Variants in PHLDB2 observed in about 807,000 individuals in gnomAD.
PHLDB2 encodes pleckstrin homology-like domain family B member 2.
Under a neutral mutation model 123.6 loss-of-function variants are expected in PHLDB2, and 71 were observed. The observed-to-expected ratio is 0.57, with a 90% CI of 0.47 to 0.70. The LOEUF (loss-of-function observed/expected upper bound fraction) is 0.70. PHLDB2 is among the 30% of genes least tolerant of loss of function. PHLDB2 has a pLI of 0.00. For synonymous variants in PHLDB2, 547 were observed against 541.6 expected (o/e 1.01, Z -0.14); for missense variants, 1,446 against 1,519.5 (o/e 0.95, Z 0.80).
At chr3:111,843,519 A>T (rs1427349764) in intron 1 of PHLDB2, among the ~76,000 whole-genome samples, 1 of 152,164 alleles carries the variant, frequency 6.6e-6, no homozygotes, top group East Asian at 1.9e-4. Flanking sequence ...ACCTCCAAGT[A>T]GCTGGGAACA....
At chr3:111,843,307 AT>A (rs1304423095) in intron 1 of PHLDB2, among the ~76,000 whole-genome samples, 2 of 152,198 alleles carry the variant, frequency 1.3e-5, no homozygotes, top group Non-Finnish European at 2.9e-5. Flanking sequence ...ATGGTATCAT[AT>A]TGTGGTATTG....
upstream of PHLDB2, chr3:111,859,255 G>A: frequency 1.0e-6 from 1 of 985,444 alleles, no homozygotes; most frequent in Non-Finnish European, 1.2e-6. Flanking sequence ...AGCCTGCCAC[G>A]AAAGTCCCTA....
chr3:111,812,267 A>T (rs12171297), intron 1 of PHLDB2, among the ~76,000 whole-genome samples: 1 of 152,194 alleles, frequency 6.6e-6, no homozygotes, highest in Non-Finnish European at 1.5e-5. Context: ...CAGTTGATAC[A>T]AATGGAGTTT....
At chr3:111,830,470 A>G (rs2062891611) in intron 1 of PHLDB2, among the ~76,000 whole-genome samples, 1 of 150,734 alleles carries the variant, frequency 6.6e-6, no homozygotes, top group African/African-American at 2.4e-5. Flanking sequence ...GTATGTATAA[A>G]TCTTTTGTTC....
At chr3:111,846,720 C>CACATAT (rs1244234094) in intron 2 of PHLDB2, among the ~76,000 whole-genome samples, 1 of 152,080 alleles carries the variant, frequency 6.6e-6, no homozygotes, top group Non-Finnish European at 1.5e-5. Context: ...ACCAATAGAA[C>CACATAT]ACACATACAC....
intron 13 of PHLDB2, among the ~76,000 whole-genome samples, chr3:111,964,506 A>ATTTT (rs529646565): frequency 1.8e-4 from 26 of 143,608 alleles, no homozygotes; most frequent in South Asian, 4.5e-4. Context: ...CACCTGGCTA[A>ATTTT]TTTTTTTTTT....
chr3:111,743,170 A>G (rs1402908447), intron 1 of PHLDB2, among the ~76,000 whole-genome samples: 2 of 152,216 alleles, frequency 1.3e-5, no homozygotes, highest in Admixed American at 1.3e-4. Flanking sequence ...TTATCTGAAT[A>G]TCCTAAGGAG....
intron 2 of PHLDB2, among the ~76,000 whole-genome samples, chr3:111,903,888 TA>T (rs371722015): frequency 2.4e-3 from 371 of 152,048 alleles, no homozygotes; most frequent in African/African-American, 8.6e-3. Context: ...TGAACTTGAT[TA>T]AAAAAAATAA....
At chr3:111,765,494 G>A (rs1405055167) in intron 1 of PHLDB2, among the ~76,000 whole-genome samples, 2 of 152,226 alleles carry the variant, frequency 1.3e-5, no homozygotes, top group Admixed American at 6.5e-5. Flanking sequence ...AGTCTCAGAT[G>A]TCAGGCAGTG....
At chr3:111,803,858 CCTTT>C (rs2061470803) in intron 1 of PHLDB2, among the ~76,000 whole-genome samples, 1 of 152,058 alleles carries the variant, frequency 6.6e-6, no homozygotes, top group African/African-American at 2.4e-5. Context: ...TAGATTTGTT[CCTTT>C]CTATTCCAAA....
At chr3:111,758,865 T>C (rs1003658488) in intron 1 of PHLDB2, among the ~76,000 whole-genome samples, 1 of 152,200 alleles carries the variant, frequency 6.6e-6, no homozygotes, top group African/African-American at 2.4e-5. Flanking sequence ...TCAACCACGA[T>C]AAACTCATGA....
intron 2 of PHLDB2, among the ~76,000 whole-genome samples, chr3:111,852,005 T>C (rs926559603): frequency 5.3e-5 from 8 of 152,072 alleles, no homozygotes; most frequent in Non-Finnish European, 8.8e-5. Flanking sequence ...CCTGTTGGAC[T>C]CATAGGACAC....
intron 1 of PHLDB2, among the ~76,000 whole-genome samples, chr3:111,739,483 T>C (rs1215295702): frequency 2.0e-5 from 3 of 150,748 alleles, no homozygotes; most frequent in Non-Finnish European, 4.4e-5. Context: ...GTGAGTCAGA[T>C]GGAACTGTGT....
intron 1 of PHLDB2, among the ~76,000 whole-genome samples, chr3:111,805,692 A>C (rs1186988140): frequency 6.7e-6 from 1 of 149,916 alleles, no homozygotes; most frequent in Non-Finnish European, 1.5e-5. Flanking sequence ...AATGCTAGTA[A>C]AGACAAATCT....
At chr3:111,781,021 G>A (rs964541823) in intron 1 of PHLDB2, among the ~76,000 whole-genome samples, 5 of 151,930 alleles carry the variant, frequency 3.3e-5, no homozygotes, top group African/African-American at 9.7e-5. Flanking sequence ...CATCCATTAT[G>A]TTTGTGTAGT....
At position 111,975,386 on chromosome 3, in the gene PHLDB2, G is replaced by A. The variant is rs2072456491; in HGVS notation, c.*823G>A. The A allele has an allele frequency of 6.6e-6, 1 of 152,312 alleles. No individual in the cohort carries two copies. Among genetic ancestry groups the A allele is most frequent in the South Asian group, 2.1e-4 (1 of 4,824 alleles). 9.4% of individuals were successfully genotyped at this position (152,312 alleles called of 1,614,324 possible). A position where few individuals can be genotyped will look rare whatever the true frequency, so the allele number is the denominator to read the frequency against. On this transcript the variant is annotated 3_prime_UTR_variant, in exon 18 of 18. Transcript: ENST00000431670. The stretch of plus-strand genomic sequence containing the variant: ...AAATAAAGAGAATATCTGGTGTTAG[G>A]AGCTTGTTTTGCTGAAGATTTCTCC...
chr3:111,930,650 G>A (rs780817754), intron 5 of PHLDB2, among the ~76,000 whole-genome samples: 34 of 152,172 alleles, frequency 2.2e-4, no homozygotes, highest in Non-Finnish European at 3.8e-4. Context: ...TAAATCTAAC[G>A]GTGCTAGTAT....
At chr3:111,810,172 C>T (rs2061766241) in intron 1 of PHLDB2, among the ~76,000 whole-genome samples, 1 of 152,076 alleles carries the variant, frequency 6.6e-6, no homozygotes, top group Non-Finnish European at 1.5e-5. Flanking sequence ...TGCAAGGTGA[C>T]ACACACAGAG....
chr3:111,884,099 C>G lies in PHLDB2; in HGVS notation c.22C>G (p.Gln8Glu). Residue 8 changes from glutamine (Q) to glutamate (E), a missense_variant, in exon 2 of 18, where the codon CAA (glutamine) becomes GAA (glutamate). Physicochemically the swap from Gln to Glu is conservative, Grantham distance 29 (BLOSUM62 2). Transcript: ENST00000431670. Reference sequence around the variant, plus strand: ...GATTATGGAAGAGCATAGCTACATACAAAAGGAGCTAGATTTACAAAATGG... The same window carrying G: ...GATTATGGAAGAGCATAGCTACATAGAAAAGGAGCTAGATTTACAAAATGG... MEEHSYI[Q>E]KELDLQNGSL... 6.2e-7 allele frequency: 1 copy of G among 1,613,686 alleles called. No homozygotes were observed. The highest frequency in any genetic ancestry group is 8.5e-7 in the Non-Finnish European group (1 of 1,179,798).
Sources: gnomAD v4.1 joint callset for allele counts (sites outside exome capture counted in the v4.1 genomes callset) on GRCh38, gnomAD v4.1.1 for gene constraint, MANE v1.5 for transcripts, NCBI Gene and HGNC (gene_info 2026-07-23, HGNC 2026-07-21) for gene names.